Variants in RNASE3 observed in about 807,000 individuals in gnomAD.
The protein encoded by RNASE3 is eosinophil cationic protein.
For missense variants in RNASE3, 192 were observed against 205.3 expected, an observed-to-expected ratio of 0.94 and a Z score of 0.40; for synonymous variants, 66 against 72.0, an observed-to-expected ratio of 0.92 and a Z score of 0.42.
chr14:20,891,512 A>T, intron 1 of RNASE3, 61 bp downstream of exon 1: 1 of 825,588 alleles, frequency 1.2e-6, no homozygotes, highest in Non-Finnish European at 1.9e-6. Flanking sequence ...CACCTGAGGG[A>T]GAGGTGAGCT....
Position 20,891,981 on chromosome 14 carries a change from C to A in RNASE3, c.295C>A (p.His99Asn), listed in dbSNP as rs1156971696. ...CPHNRTLNNC[H>N]RSRFRVPLLH... is the part of the protein sequence containing the mutation. ...TCATAACAGAACTCTCAACAATTGTCATCGGAGTAGATTCCGGGTGCCTTT... is the reference window on the plus strand; with the variant it reads ...TCATAACAGAACTCTCAACAATTGTAATCGGAGTAGATTCCGGGTGCCTTT... Residue 99 changes from histidine to asparagine, a missense_variant, in exon 2 of 2, where the codon CAT becomes AAT. Transcript: ENST00000304639. The A allele has an allele frequency of 6.2e-7, 1 of 1,612,906 alleles. No individual in the cohort carries two copies. The highest frequency in any genetic ancestry group is 1.7e-5 in the Admixed American group (1 of 59,982).
chr14:20,892,293 G>T lies in RNASE3; in HGVS notation c.*124G>T. Reference sequence around the variant, plus strand: ...CCTCATCAGTCTCCATACCCCTTCAGCTTTCCTGAGCTGAAGTCCCTTGTG... The same window carrying T: ...CCTCATCAGTCTCCATACCCCTTCATCTTTCCTGAGCTGAAGTCCCTTGTG... On this transcript the variant is annotated 3_prime_UTR_variant, in exon 2 of 2. Transcript: ENST00000304639. 3.8e-6 allele frequency: 5 copies of T among 1,331,174 alleles called. No individual in the cohort carries two copies. Among genetic ancestry groups the T allele is most frequent in the Non-Finnish European group, 5.2e-6 (5 of 967,898 alleles). 82.5% of individuals were successfully genotyped at this position (1,331,174 alleles called of 1,614,324 possible).
Position 20,892,237 on chromosome 14 carries a change from C to A in RNASE3, c.*68C>A, listed in dbSNP as rs1432410576. ...TCCTCAATCATAGCCAAGATCCCAT[C>A]CCTCCATGTACTCTGGGTATCAGCA... On this transcript the variant is annotated 3_prime_UTR_variant, in exon 2 of 2. Coordinates refer to ENST00000304639, the MANE Select transcript of RNASE3 (RefSeq NM_002935.3). 1 of 1,554,402 alleles carries A rather than the reference C, an allele frequency of 6.4e-7. No homozygotes were observed. The highest frequency in any genetic ancestry group is 1.4e-5 in the African/African-American group (1 of 71,558).
rs189316749 is a variant in RNASE3, at chr14:20,892,002, C to A, written c.316C>A (p.Pro106Thr). The A allele has an allele frequency of 4.7e-5, 76 of 1,612,846 alleles. 1 individual carries two copies. The East Asian group carries it at 1.2e-3, about 26-fold the overall frequency. Residue 106 changes from proline to threonine, a missense_variant, in exon 2 of 2, where the codon CCT becomes ACT. Coordinates refer to ENST00000304639, the MANE Select transcript of RNASE3 (RefSeq NM_002935.3). The part of the protein sequence containing the change: ...NNCHRSRFRV[P>T]LLHCDLINPG... ...TTGTCATCGGAGTAGATTCCGGGTG[C>A]CTTTACTCCACTGTGACCTCATAAA...
In RNASE3 at chr14:20,891,578, C is replaced by T. The variant is rs539808551; in HGVS notation, c.-5-104C>T. On this transcript the variant is annotated intron_variant, in intron 1 of 1. Coordinates refer to ENST00000304639, the MANE Select transcript of RNASE3 (RefSeq NM_002935.3). ...TTGGGGACAGGAAGAAAAGGAAATGCGACCCCAGAGTGGCAGCAGAGGGGC... is the reference window on the plus strand; with the variant it reads ...TTGGGGACAGGAAGAAAAGGAAATGTGACCCCAGAGTGGCAGCAGAGGGGC... 113 of 1,449,184 alleles carry T rather than the reference C, an allele frequency of 7.8e-5. 1 individual carries two copies. Among genetic ancestry groups the T allele is most frequent in the Non-Finnish European group, 6.6e-5 (71 of 1,078,614 alleles). The allele number at this position is 1,449,184 out of a possible 1,614,324, so 89.8% of individuals were successfully genotyped here. A position where few individuals can be genotyped will look rare whatever the true frequency, so the allele number is the denominator to read the frequency against.
chr14:20,891,476 G>C, intron 1 of RNASE3, 25 bp downstream of exon 1: 1 of 628,938 alleles, frequency 1.6e-6, no homozygotes, highest in Non-Finnish European at 2.7e-6. Context: ...CCCAGAGCTG[G>C]GACAGGAGGG....
chr14:20,892,172 T>G lies in RNASE3; in HGVS notation c.*3T>G. ...TTCACCTGGATACCACCATCTAAGC[T>G]CCTGTATCAGCAGTCCTCATCATCA... On this transcript the variant is annotated 3_prime_UTR_variant, in exon 2 of 2. Transcript: ENST00000304639. The G allele has an allele frequency of 6.2e-7, 1 of 1,604,738 alleles. No individual in the cohort carries two copies. The highest frequency in any genetic ancestry group is 2.2e-5 in the East Asian group (1 of 44,844).
Position 20,892,196 on chromosome 14 carries a change from C to A in RNASE3, c.*27C>A, listed in dbSNP as rs769132450. The A allele has an allele frequency of 6.3e-7, 1 of 1,585,186 alleles. No homozygotes were observed. The highest frequency in any genetic ancestry group is 1.8e-5 in the Admixed American group (1 of 56,994). ...CTCCTGTATCAGCAGTCCTCATCAT[C>A]ACTCATCTGCCAAGCTCCTCAATCA... On this transcript the variant is annotated 3_prime_UTR_variant, in exon 2 of 2. Transcript: ENST00000304639.
Position 20,891,464 on chromosome 14 carries a change from T to A in RNASE3, c.-6+13T>A. 1.7e-6 allele frequency: 1 copy of A among 598,010 alleles called. No homozygotes were observed. The highest frequency in any genetic ancestry group is 2.9e-5 in the East Asian group (1 of 34,884). 37.0% of individuals were successfully genotyped at this position (598,010 alleles called of 1,614,324 possible). A position where few individuals can be genotyped will look rare whatever the true frequency, so the allele number is the denominator to read the frequency against. ...GCTCAGAGACTGGGTAAGTCAACAA[T>A]CCCCAGAGCTGGGACAGGAGGGGCA... On this transcript the variant is annotated intron_variant, in intron 1 of 1. Coordinates refer to ENST00000304639, the MANE Select transcript of RNASE3 (RefSeq NM_002935.3).
chr14:20,892,044 AT>A lies in RNASE3; in HGVS notation c.361del (p.Ser121GlnfsTer15). 6.2e-7 allele frequency: 1 copy of A among 1,612,686 alleles called. No homozygotes were observed. The highest frequency in any genetic ancestry group is 8.5e-7 in the Non-Finnish European group (1 of 1,180,006). The part of the protein sequence containing the change: ...CDLINPGAQN[I>X]SNCTYADRPG... ...CCTCATAAATCCAGGTGCACAGAAT[AT>A]TTCAAACTGCACGTATGCAGACAGA... is the stretch of plus-strand genomic sequence containing the variant. On this transcript the variant is annotated frameshift_variant, in exon 2 of 2. Transcript: ENST00000304639. LOFTEE classifies it low-confidence loss of function (END_TRUNC).
chr14:20,892,245 G>A lies in RNASE3; in HGVS notation c.*76G>A. On this transcript the variant is annotated 3_prime_UTR_variant, in exon 2 of 2. Transcript: ENST00000304639. Reference sequence around the variant, plus strand: ...CATAGCCAAGATCCCATCCCTCCATGTACTCTGGGTATCAGCAACTGTCCT... The same window carrying A: ...CATAGCCAAGATCCCATCCCTCCATATACTCTGGGTATCAGCAACTGTCCT... 2 of 1,535,674 alleles carry A rather than the reference G, an allele frequency of 1.3e-6. No homozygotes were observed. The highest frequency in any genetic ancestry group is 1.8e-6 in the Non-Finnish European group (2 of 1,142,844).
In RNASE3 at chr14:20,892,084, T is replaced by G; in HGVS notation, c.398T>G (p.Phe133Cys). The G allele has an allele frequency of 6.2e-7, 1 of 1,612,476 alleles. No homozygotes were observed. Among genetic ancestry groups the G allele is most frequent in the African/African-American group, 1.4e-5 (1 of 73,572 alleles). ...CTYADRPGRR[F>C]YVVACDNRDP... ...TATGCAGACAGACCAGGAAGGAGGT[T>G]CTATGTAGTTGCATGTGACAACAGA... The change falls in exon 2 of 2, where the codon TTC becomes TGC. Residue 133 changes from phenylalanine (F) to cysteine (C), a missense_variant. Physicochemically the swap from Phe to Cys is radical, Grantham distance 205. Coordinates refer to ENST00000304639, the MANE Select transcript of RNASE3 (RefSeq NM_002935.3).
At chr14:20,891,599 G>A in intron 1 of RNASE3, 83 bp from the exon 2 acceptor site, 1 of 1,508,508 alleles carries the variant, frequency 6.6e-7, no homozygotes, top group Non-Finnish European at 8.9e-7. Context: ...TGGCAGCAGA[G>A]GGGCCTGTGG....
At position 20,891,996 on chromosome 14, in the gene RNASE3, C is replaced by A. The variant is rs768479364; in HGVS notation, c.310C>A (p.Arg104=). The A allele has an allele frequency of 6.2e-7, 1 of 1,612,902 alleles. No individual in the cohort carries two copies. Among genetic ancestry groups the A allele is most frequent in the Non-Finnish European group, 8.5e-7 (1 of 1,180,006 alleles). The change falls in exon 2 of 2, where the codon CGG becomes AGG. Residue 104 remains arginine, a synonymous_variant. Transcript: ENST00000304639. ...CAACAATTGTCATCGGAGTAGATTC[C>A]GGGTGCCTTTACTCCACTGTGACCT... The part of the protein sequence containing the change: ...TLNNCHRSRF[R]VPLLHCDLIN...
chr14:20,892,075 G>C lies in RNASE3; in HGVS notation c.389G>C (p.Gly130Ala). The change falls in exon 2 of 2, where the codon GGA (glycine) becomes GCA (alanine). Residue 130 changes from glycine (G) to alanine (A), a missense_variant. Transcript: ENST00000304639. ...AACTGCACGTATGCAGACAGACCAGGAAGGAGGTTCTATGTAGTTGCATGT... is the reference window on the plus strand; with the variant it reads ...AACTGCACGTATGCAGACAGACCAGCAAGGAGGTTCTATGTAGTTGCATGT... The part of the protein sequence containing the change: ...ISNCTYADRP[G>A]RRFYVVACDN... The C allele has an allele frequency of 6.2e-7, 1 of 1,612,552 alleles. No homozygotes were observed. The highest frequency in any genetic ancestry group is 8.5e-7 in the Non-Finnish European group (1 of 1,179,990).
At position 20,891,783 on chromosome 14, in the gene RNASE3, A is replaced by G; in HGVS notation, c.97A>G (p.Thr33Ala). Residue 33 changes from threonine to alanine, a missense_variant, in exon 2 of 2, where the codon ACG becomes GCG. Physicochemically the swap from Thr to Ala is moderately conservative, Grantham distance 58 (BLOSUM62 0). Coordinates refer to ENST00000304639, the MANE Select transcript of RNASE3 (RefSeq NM_002935.3). ...GSLHARPPQFTRAQWFAIQHI... is the reference protein window; with the variant it reads ...GSLHARPPQFARAQWFAIQHI... ...ACTCCATGCCAGACCCCCACAGTTTACGAGGGCTCAGTGGTTTGCCATCCA... is the reference window on the plus strand; with the variant it reads ...ACTCCATGCCAGACCCCCACAGTTTGCGAGGGCTCAGTGGTTTGCCATCCA... 6.2e-7 allele frequency: 1 copy of G among 1,612,780 alleles called. No individual in the cohort carries two copies. The highest frequency in any genetic ancestry group is 1.7e-4 in the Middle Eastern group (1 of 6,058).
Position 20,892,147 on chromosome 14 carries a change from T to G in RNASE3, c.461T>G (p.Val154Gly). 6.2e-7 allele frequency: 1 copy of G among 1,611,276 alleles called. No homozygotes were observed. The highest frequency in any genetic ancestry group is 8.5e-7 in the Non-Finnish European group (1 of 1,179,294). The change falls in exon 2 of 2, where the codon GTT becomes GGT. Residue 154 changes from valine to glycine, a missense_variant. Val to Gly is a moderately radical substitution (Grantham distance 109, BLOSUM62 -3). Transcript: ENST00000304639. The stretch of plus-strand genomic sequence containing the variant: ...TCTCCACGGTATCCTGTGGTTCCAG[T>G]TCACCTGGATACCACCATCTAAGCT... ...RDSPRYPVVP[V>G]HLDTTI
rs1236965539 is a variant in RNASE3, at chr14:20,892,174, C to T, written c.*5C>T. 9 of 1,603,842 alleles carry T rather than the reference C, an allele frequency of 5.6e-6. No individual in the cohort carries two copies. The highest frequency in any genetic ancestry group is 1.7e-5 in the Admixed American group (1 of 59,280). On this transcript the variant is annotated 3_prime_UTR_variant, in exon 2 of 2. Transcript: ENST00000304639. ...CACCTGGATACCACCATCTAAGCTC[C>T]TGTATCAGCAGTCCTCATCATCACT...
intron 1 of RNASE3, 102 bp from the exon 2 acceptor site, chr14:20,891,580 A>G: frequency 6.9e-7 from 1 of 1,458,442 alleles, no homozygotes; most frequent in Non-Finnish European, 9.2e-7. Flanking sequence ...AGGAAATGCG[A>G]CCCCAGAGTG....
Sources: allele counts gnomAD v4.1 joint callset, GRCh38; gene constraint gnomAD v4.1.1; transcripts MANE v1.5; gene names NCBI Gene and HGNC (gene_info 2026-07-23, HGNC 2026-07-21).